MAPK8IP3: variants seen among roughly 807,000 people sequenced by gnomAD.
MAPK8IP3 encodes the protein C-Jun-amino-terminal kinase-interacting protein 3.
Under a neutral mutation model 157.8 loss-of-function variants are expected in MAPK8IP3, and 49 were observed. The observed-to-expected ratio is 0.31, with a 90% CI of 0.25 to 0.39. The LOEUF (loss-of-function observed/expected upper bound fraction) is 0.39. Ranked by LOEUF, MAPK8IP3 falls within the 10% of genes least tolerant of loss-of-function variation. MAPK8IP3 has a pLI of 1.00. For missense variants in MAPK8IP3, 1,478 were observed against 1,889.4 expected, an observed-to-expected ratio of 0.78 and a Z score of 4.04; for synonymous variants, 897 against 777.7, an observed-to-expected ratio of 1.15 and a Z score of -2.55.
chr16:1,724,780 G>T lies in MAPK8IP3; in HGVS notation c.439+103G>T. The T allele has an allele frequency of 6.8e-7, 1 of 1,478,312 alleles. No homozygotes were observed. The highest frequency in any genetic ancestry group is 9.1e-7 in the Non-Finnish European group (1 of 1,098,752). The allele number at this position is 1,478,312 out of a possible 1,614,324, so 91.6% of individuals were successfully genotyped here. On this transcript the variant is annotated intron_variant, in intron 2 of 31. Coordinates refer to ENST00000610761, the MANE Select transcript of MAPK8IP3 (RefSeq NM_001318852.2). The surrounding 1 kb of genome is among the most constrained non-coding windows in gnomAD (Gnocchi z 4.1). ...GCGCCTTCCACACAAGGGGACGAGA[G>T]GAAGCCCAGTGGGAGCCTCAGCCAT... is the stretch of plus-strand genomic sequence containing the variant.
intron 19 of MAPK8IP3, 125 bp downstream of exon 19, chr16:1,764,584 G>C: frequency 7.5e-7 from 1 of 1,326,336 alleles, no homozygotes; most frequent in Non-Finnish European, 1.0e-6. Context: ...GGCAGCGCAG[G>C]GGCTCCTAGA....
At chr16:1,709,954 CTCAACAAGCCCAGATGG>C (rs563793947) in intron 1 of MAPK8IP3, among the ~76,000 whole-genome samples, 213 of 152,334 alleles carry the variant, frequency 1.4e-3, no homozygotes, top group African/African-American at 4.9e-3. Flanking sequence ...TGGGTGTTCT[CTCAACAAGCCCAGATGG>C]TGATGTTTGC....
At chr16:1,735,745 G>C (rs1178138576) in intron 4 of MAPK8IP3, among the ~76,000 whole-genome samples, 1 of 135,076 alleles carries the variant, frequency 7.4e-6, no homozygotes, top group Non-Finnish European at 1.6e-5. Context: ...GAGTGTGACC[G>C]TCCATGTGAG....
At chr16:1,752,464 C>A in intron 8 of MAPK8IP3, 1 of 356,330 alleles carries the variant, frequency 2.8e-6, no homozygotes, top group Non-Finnish European at 5.6e-6. Flanking sequence ...GCAGGGAGGC[C>A]AGGCACAGTC....
At position 1,730,173 on chromosome 16, in the gene MAPK8IP3, A is replaced by T. The variant is rs1025832263; in HGVS notation, c.602+595A>T. ...CTACTCAGGAGGCTGAGAGAGGAGG[A>T]TAGCTTGAGCCCAGGGGCTGGAGGC... On this transcript the variant is annotated intron_variant, in intron 4 of 31. Transcript: ENST00000610761. 2.0e-5 allele frequency among the ~76,000 whole-genome samples: 3 copies of T among 151,970 alleles called. No individual in the cohort carries two copies. The East Asian group carries it at 5.8e-4, about 29-fold the overall frequency.
intron 1 of MAPK8IP3, among the ~76,000 whole-genome samples, chr16:1,711,138 C>T (rs538999655): frequency 1.1e-4 from 16 of 152,356 alleles, no homozygotes; most frequent in Middle Eastern, 3.4e-3. Flanking sequence ...TTCATTTTTA[C>T]GTTTTTAAAA....
intron 2 of MAPK8IP3, among the ~76,000 whole-genome samples, chr16:1,726,579 A>T (rs1436880226): frequency 1.3e-5 from 2 of 152,172 alleles, no homozygotes; most frequent in African/African-American, 4.8e-5. Context: ...CGGGAGGCTG[A>T]GGTAGAGGAT....
intron 1 of MAPK8IP3, among the ~76,000 whole-genome samples, chr16:1,722,795 C>G (rs948138869): frequency 1.3e-5 from 2 of 151,986 alleles, no homozygotes; most frequent in Non-Finnish European, 2.9e-5. Flanking sequence ...AGCTCTGCCT[C>G]CCAGGTTCAC....
At chr16:1,765,639 G>A (rs183262351) in intron 20 of MAPK8IP3, among the ~76,000 whole-genome samples, 2 of 152,216 alleles carry the variant, frequency 1.3e-5, no homozygotes, top group African/African-American at 4.8e-5. Flanking sequence ...GGCTCTGCCA[G>A]GTCTCTGGTG....
chr16:1,763,707 A>G lies in MAPK8IP3; in HGVS notation c.1949A>G (p.Gln650Arg), dbSNP rs2042084600. The G allele has an allele frequency of 6.3e-7, 1 of 1,597,226 alleles. No homozygotes were observed. Among genetic ancestry groups the G allele is most frequent in the Non-Finnish European group, 8.5e-7 (1 of 1,171,080 alleles). Reference sequence around the variant, plus strand: ...GAGCAGAAGCGCGAGCAGTACCGCCAGGTGCGTGAGCACGTGCGTAACGAC... The same window carrying G: ...GAGCAGAAGCGCGAGCAGTACCGCCGGGTGCGTGAGCACGTGCGTAACGAC... ...RREQKREQYR[Q>R]VREHVRNDDG... Residue 650 changes from glutamine to arginine, a missense_variant, in exon 17 of 32, where the codon CAG becomes CGG. Transcript: ENST00000610761.
intron 8 of MAPK8IP3, among the ~76,000 whole-genome samples, chr16:1,757,767 G>T (rs1475308712): frequency 6.6e-6 from 1 of 152,210 alleles, no homozygotes; most frequent in African/African-American, 2.4e-5. Context: ...CCACGCTGGG[G>T]GGCTTTTGGA....
At chr16:1,735,897 TGTGAGCATCCGTGTGACCATCC>T (rs2039714672) in intron 4 of MAPK8IP3, among the ~76,000 whole-genome samples, 1 of 137,636 alleles carries the variant, frequency 7.3e-6, no homozygotes, top group Non-Finnish European at 1.5e-5. Flanking sequence ...TGACTGTCCA[TGTGAGCATCCGTGTGACCATCC>T]GTGAGCATCC....
rs867826287 is a variant in MAPK8IP3, at chr16:1,737,775, A to T, written c.603-5557A>T. On this transcript the variant is annotated intron_variant, in intron 4 of 31. Transcript: ENST00000610761. The stretch of plus-strand genomic sequence containing the variant: ...ATCCGTGTGTGTGACCATCCGTGTG[A>T]GTGACCATCCATGTGAGCATCCATG... 1.4e-3 allele frequency among the ~76,000 whole-genome samples: 50 copies of T among 36,614 alleles called. 16 individuals are homozygous for T. In the East Asian group the frequency reaches 0.019, roughly 14 times the overall value. The allele number at this position is 36,614 out of a possible 152,430, so 24.0% of individuals were successfully genotyped here. A position where few individuals can be genotyped will look rare whatever the true frequency, so the allele number is the denominator to read the frequency against.
In MAPK8IP3 at chr16:1,764,349, G is replaced by A. The variant is rs1402178662; in HGVS notation, c.2170G>A (p.Asp724Asn). Residue 724 changes from aspartate (D) to asparagine (N), a missense_variant, in exon 19 of 32, where the codon GAC (aspartate) becomes AAC (asparagine). Asp to Asn is a conservative substitution (Grantham distance 23). Around this residue, in one of 11 missense-constraint regions of MAPK8IP3, gnomAD observed 669 missense variants for 759.8 expected, o/e 0.88. Transcript: ENST00000610761. ...VNLSGWRPNE[D>N]DAGNGVKPAP... ...CCTGAGCGGGTGGAGGCCCAATGAG[G>A]ACGACGCTGGGAATGGAGTCAAGCC... 1.6e-5 allele frequency: 25 copies of A among 1,579,606 alleles called. No homozygotes were observed. The highest frequency in any genetic ancestry group is 4.0e-5 in the African/African-American group (3 of 74,232).
intron 26 of MAPK8IP3, 90 bp downstream of exon 26, chr16:1,767,387 C>G: frequency 1.9e-6 from 3 of 1,563,396 alleles, no homozygotes; most frequent in Admixed American, 1.7e-5. Context: ...CCACGAGGCC[C>G]TACGTGGGTC....
chr16:1,744,785 C>T (rs1469771585), intron 5 of MAPK8IP3: 15 of 985,470 alleles, frequency 1.5e-5, no homozygotes, highest in Non-Finnish European at 1.8e-5. Flanking sequence ...CTGACATCGT[C>T]GCTCTCTTCA....
chr16:1,738,576 G>A (rs1219347466), intron 4 of MAPK8IP3, among the ~76,000 whole-genome samples: 1 of 139,536 alleles, frequency 7.2e-6, no homozygotes, highest in Non-Finnish European at 1.5e-5. Flanking sequence ...GCATCCGTGT[G>A]AGTGTGACCA....
At chr16:1,747,507 GGT>G (rs1567182993) in intron 6 of MAPK8IP3, among the ~76,000 whole-genome samples, 1 of 152,186 alleles carries the variant, frequency 6.6e-6, no homozygotes, top group African/African-American at 2.4e-5. Flanking sequence ...GCATCCCCTG[GGT>G]GTGTCTGTGT....
chr16:1,733,011 G>A (rs1235562131), intron 4 of MAPK8IP3, among the ~76,000 whole-genome samples: 2 of 152,264 alleles, frequency 1.3e-5, no homozygotes, highest in South Asian at 4.1e-4. Flanking sequence ...ATGCACGCTG[G>A]GACATCCTCA....
Sources: gnomAD v4.1 joint callset for allele counts (sites outside exome capture counted in the v4.1 genomes callset) on GRCh38, gnomAD v4.1.1 for gene constraint, gnomAD v4.1.1 regional missense constraint, Gnocchi (gnomAD v3.1) non-coding constraint, MANE v1.5 for transcripts, NCBI Gene and HGNC (gene_info 2026-07-23, HGNC 2026-07-21) for gene names.